Variants in PTPRN2 observed in about 807,000 individuals in gnomAD.
PTPRN2 encodes protein tyrosine phosphatase receptor type N2.
Under a neutral mutation model 118.8 loss-of-function variants are expected in PTPRN2, and 74 were observed. That is an observed-to-expected ratio of 0.62 (90% CI 0.52 to 0.76). PTPRN2 has a LOEUF of 0.76. Ranked by LOEUF, PTPRN2 falls within the 30% of genes least tolerant of loss-of-function variation. The pLI, the probability that PTPRN2 is intolerant of heterozygous loss-of-function variation, is 0.00. For missense variants in PTPRN2, 1,481 were observed against 1,394.4 expected, an observed-to-expected ratio of 1.06 and a Z score of -0.99; for synonymous variants, 641 against 608.0, an observed-to-expected ratio of 1.05 and a Z score of -0.80.
At chr7:158,262,053 G>A (rs1238548704) in intron 3 of PTPRN2, among the ~76,000 whole-genome samples, 18 of 152,110 alleles carry the variant, frequency 1.2e-4, no homozygotes, top group African/African-American at 9.7e-5. Context: ...GCTGCAGCAC[G>A]GAGGCCACCT....
chr7:158,223,497 G>C (rs1828515624), intron 3 of PTPRN2, among the ~76,000 whole-genome samples: 1 of 152,028 alleles, frequency 6.6e-6, no homozygotes, highest in Non-Finnish European at 1.5e-5. Flanking sequence ...GGAATGAAAG[G>C]CTGGTTCACT....
intron 1 of PTPRN2, among the ~76,000 whole-genome samples, chr7:158,552,265 T>C (rs868550124): frequency 6.7e-6 from 1 of 150,022 alleles, no homozygotes. Flanking sequence ...TCAAGGTGGG[T>C]CTCTAATGCA....
In PTPRN2 at chr7:158,327,294, T is replaced by TC. The variant is rs1803690702; in HGVS notation, c.164-10363_164-10362insG. 3.0e-5 allele frequency among the ~76,000 whole-genome samples: 4 copies of TC among 134,210 alleles called. 1 individual carries two copies. In the South Asian group the frequency reaches 1.0e-3, roughly 34 times the overall value. 88.0% of individuals were successfully genotyped at this position (134,210 alleles called of 152,430 possible). A position where few individuals can be genotyped will look rare whatever the true frequency, so the allele number is the denominator to read the frequency against. On this transcript the variant is annotated intron_variant, in intron 2 of 22. Coordinates refer to ENST00000389418, the MANE Select transcript of PTPRN2 (RefSeq NM_002847.5). ...ACGTGCTCACACATGCTCACACATG[T>TC]ACACATTCTCACACATACACATTCT...
chr7:158,413,226 C>T (rs1814349365), intron 2 of PTPRN2, among the ~76,000 whole-genome samples: 1 of 152,228 alleles, frequency 6.6e-6, no homozygotes, highest in Non-Finnish European at 1.5e-5. Context: ...AGAAAATCCA[C>T]AGCAAGACAA....
At chr7:157,607,068 C>T (rs1014715986) in intron 15 of PTPRN2, among the ~76,000 whole-genome samples, 1 of 152,212 alleles carries the variant, frequency 6.6e-6, no homozygotes, top group Non-Finnish European at 1.5e-5. Flanking sequence ...CAGCTCTGAA[C>T]GAAGGTGTGA....
chr7:158,489,753 AC>A lies in PTPRN2; in HGVS notation c.144del (p.Ser49ProfsTer5). The A allele has an allele frequency of 6.3e-7, 1 of 1,583,838 alleles. No individual in the cohort carries two copies. The highest frequency in any genetic ancestry group is 8.6e-7 in the Non-Finnish European group (1 of 1,166,214). On this transcript the variant is annotated frameshift_variant, in exon 2 of 23. Coordinates refer to ENST00000389418, the MANE Select transcript of PTPRN2 (RefSeq NM_002847.5). LOFTEE classifies it high-confidence loss of function. ...CACTCACCGTTCACACAGGCCTCGG[AC>A]GCTCCGCAGAGGCCCTCCTCGAGCA... ...GCLLEEGLCG[A>X]SEACVNDGVF...
chr7:158,040,178 A>G, intron 11 of PTPRN2, among the ~76,000 whole-genome samples: 1 of 152,236 alleles, frequency 6.6e-6, no homozygotes, highest in Admixed American at 6.5e-5. Context: ...AGATAAAGAG[A>G]AAAGGGAACA....
Position 157,805,439 on chromosome 7 carries a change from A to G in PTPRN2, c.1788+93234T>C, listed in dbSNP as rs181160967. On this transcript the variant is annotated intron_variant, in intron 12 of 22. Coordinates refer to ENST00000389418, the MANE Select transcript of PTPRN2 (RefSeq NM_002847.5). ...TAAAAGTTCAAAGCACATTTTTCTT[A>G]TAAATTAGGCTGGAGTAAAATTCAG... Among the ~76,000 whole-genome samples, 124 of 152,328 alleles carry G rather than the reference A, an allele frequency of 8.1e-4. 1 individual carries two copies. In the East Asian group the frequency reaches 0.02, roughly 25 times the overall value.
intron 12 of PTPRN2, among the ~76,000 whole-genome samples, chr7:157,835,668 C>T (rs926732576): frequency 2.6e-5 from 4 of 152,058 alleles, no homozygotes; most frequent in South Asian, 2.1e-4. Flanking sequence ...ACAACATAGC[C>T]GAAGGGTGCA....
At chr7:158,245,569 G>A (rs562955613) in intron 3 of PTPRN2, among the ~76,000 whole-genome samples, 2 of 152,244 alleles carry the variant, frequency 1.3e-5, no homozygotes, top group East Asian at 1.9e-4. Flanking sequence ...TCTCCTTGCC[G>A]AGAGTGGGAC....
chr7:158,535,680 T>G (rs1825604201), intron 1 of PTPRN2, among the ~76,000 whole-genome samples: 1 of 151,970 alleles, frequency 6.6e-6, no homozygotes, highest in Non-Finnish European at 1.5e-5. Flanking sequence ...GTTTTTTCAG[T>G]TAGTTGGTCA....
At chr7:158,515,634 G>A (rs940427177) in intron 1 of PTPRN2, among the ~76,000 whole-genome samples, 1 of 152,028 alleles carries the variant, frequency 6.6e-6, no homozygotes, top group Non-Finnish European at 1.5e-5. Flanking sequence ...TTCCATGCTC[G>A]CCTTTCTACA....
chr7:157,842,437 C>T (rs370621395), intron 12 of PTPRN2, among the ~76,000 whole-genome samples: 21 of 116,322 alleles, frequency 1.8e-4, no homozygotes, highest in African/African-American at 5.0e-4. Flanking sequence ...TTTTTTGAGA[C>T]GGTGTCTCGC....
chr7:158,192,495 C>A lies in PTPRN2; in HGVS notation c.381G>T (p.Arg127Ser), dbSNP rs1424639496. 6 of 1,578,496 alleles carry A rather than the reference C, an allele frequency of 3.8e-6. No homozygotes were observed. The highest frequency in any genetic ancestry group is 5.1e-6 in the Non-Finnish European group (6 of 1,165,742). ...CGCTGCCAACGCTGTGTTTTGAGGG[C>A]CTGAAAAAGCAAAAGAAACCAGACA... ...LRRPEASSPA[R>S]PSKHSVGSER... Residue 127 changes from arginine (R) to serine (S), a missense_variant and splice_region_variant, in exon 5 of 23, where the codon AGG (arginine) becomes AGT (serine). Physicochemically the swap from Arg to Ser is moderately radical, Grantham distance 110. Transcript: ENST00000389418.
At position 157,714,630 on chromosome 7, in the gene PTPRN2, C is replaced by T. The variant is rs145188883; in HGVS notation, c.1789-31693G>A. On this transcript the variant is annotated intron_variant, in intron 12 of 22. Coordinates refer to ENST00000389418, the MANE Select transcript of PTPRN2 (RefSeq NM_002847.5). ...AGAAATCTGGTATTTGCAGGAATCC[C>T]GACACTCACTAACAGAGGTGGCACA... Among the ~76,000 whole-genome samples, 74 of 152,284 alleles carry T rather than the reference C, an allele frequency of 4.9e-4. 1 individual carries two copies. In the East Asian group the frequency reaches 0.012, roughly 24 times the overall value.
intron 6 of PTPRN2, among the ~76,000 whole-genome samples, chr7:158,147,384 C>G (rs1820220933): frequency 2.0e-5 from 1 of 49,376 alleles, no homozygotes; most frequent in Non-Finnish European, 3.6e-5. Flanking sequence ...GACACCCCAT[C>G]TCACGCCACG....
At chr7:157,706,337 T>A (rs1214165947) in intron 12 of PTPRN2, among the ~76,000 whole-genome samples, 1 of 151,440 alleles carries the variant, frequency 6.6e-6, no homozygotes, top group Non-Finnish European at 1.5e-5. Context: ...GGGAACTGAG[T>A]GAATCTGACC....
chr7:158,314,674 C>T (rs376661262), intron 3 of PTPRN2, among the ~76,000 whole-genome samples: 1,767 of 21,268 alleles, frequency 0.083, 44 homozygotes, highest in African/African-American at 0.16. Flanking sequence ...CACCGCCACA[C>T]GCGTTTCTCT....
At chr7:158,396,112 G>A (rs1007469760) in intron 2 of PTPRN2, among the ~76,000 whole-genome samples, 1 of 152,292 alleles carries the variant, frequency 6.6e-6, no homozygotes, top group Non-Finnish European at 1.5e-5. Context: ...CAGAGGCAGC[G>A]AAGGCCGGGA....
Sources: gnomAD v4.1 joint callset for allele counts (sites outside exome capture counted in the v4.1 genomes callset) on GRCh38, gnomAD v4.1.1 for gene constraint, MANE v1.5 for transcripts, NCBI Gene and HGNC (gene_info 2026-07-23, HGNC 2026-07-21) for gene names.